Variants in KANSL1L observed in about 807,000 individuals in gnomAD.
KANSL1L encodes KAT8 regulatory NSL complex subunit 1-like protein.
In KANSL1L, 25 loss-of-function variants were observed where a neutral mutation model predicts 108.6. The observed-to-expected ratio is 0.23, with a 90% CI of 0.17 to 0.32. The LOEUF is 0.32. Ranked by LOEUF, KANSL1L falls within the 10% of genes least tolerant of loss-of-function variation. The pLI is 1.00. For synonymous variants in KANSL1L, 405 were observed against 395.1 expected, an observed-to-expected ratio of 1.03 and a Z score of -0.30; for missense variants, 1,137 against 1,125.7, an observed-to-expected ratio of 1.01 and a Z score of -0.14.
intron 2 of KANSL1L, among the ~76,000 whole-genome samples, chr2:210,143,428 T>C (rs559255181): frequency 6.6e-6 from 1 of 152,288 alleles, no homozygotes; most frequent in African/African-American, 2.4e-5. Context: ...AATTGGATAA[T>C]TTAATCCATT....
At chr2:210,161,284 G>A (rs1385870780) in intron 1 of KANSL1L, among the ~76,000 whole-genome samples, 2 of 152,036 alleles carry the variant, frequency 1.3e-5, no homozygotes, top group Non-Finnish European at 2.9e-5. Flanking sequence ...CACTGCGCCT[G>A]GCCTGATTAT....
intron 13 of KANSL1L, 101 bp from the exon 14 acceptor site, chr2:210,024,302 C>T (rs10197463): frequency 2.3e-6 from 2 of 863,052 alleles, no homozygotes; most frequent in Non-Finnish European, 3.4e-6. Flanking sequence ...AACTTGGTAA[C>T]TTTAAACAGT....
intron 3 of KANSL1L, among the ~76,000 whole-genome samples, chr2:210,125,396 G>C (rs1011005805): frequency 2.6e-5 from 4 of 152,132 alleles, no homozygotes; most frequent in Admixed American, 1.3e-4. Context: ...TTTTAAAGAA[G>C]ACCAAATAGC....
intron 2 of KANSL1L, among the ~76,000 whole-genome samples, chr2:210,150,785 AAAAAAAAAAAAAG>A (rs1384417285): frequency 6.6e-6 from 1 of 150,864 alleles, no homozygotes; most frequent in Non-Finnish European, 1.5e-5. Context: ...TCCATCTTAA[AAAAAAAAAAAAAG>A]AAAAAAGAAA....
rs752941513 is a variant in KANSL1L at position 210,154,312 on chromosome 2, T to C, written c.271A>G (p.Lys91Glu). Residue 91 changes from lysine (K) to glutamate (E), a missense_variant, in exon 2 of 15, where the codon AAA becomes GAA. This residue lies in a region of KANSL1L where 556 missense variants were observed against 537.7 expected (regional missense o/e 1.03). Coordinates refer to ENST00000281772, the MANE Select transcript of KANSL1L (RefSeq NM_152519.4). ...TTTTGTTTATAATTCTCATTGTGTTTATTTAATGTAGAATTAGATCTCATT... is the reference window on the plus strand; with the variant it reads ...TTTTGTTTATAATTCTCATTGTGTTCATTTAATGTAGAATTAGATCTCATT... The part of the protein sequence containing the change: ...FLMRSNSTLN[K>E]HNENYKQKKL... The C allele has an allele frequency of 1.2e-6, 2 of 1,612,694 alleles. No homozygotes were observed. The highest frequency in any genetic ancestry group is 1.7e-6 in the Non-Finnish European group (2 of 1,179,148).
intron 8 of KANSL1L, among the ~76,000 whole-genome samples, chr2:210,036,155 A>G (rs1355459042): frequency 2.0e-5 from 3 of 151,984 alleles, no homozygotes; most frequent in African/African-American, 4.8e-5. Flanking sequence ...CCTTCTAAGT[A>G]GTTACATACT....
At chr2:210,064,783 T>A (rs1291400359) in intron 6 of KANSL1L, among the ~76,000 whole-genome samples, 2 of 126,026 alleles carry the variant, frequency 1.6e-5, no homozygotes, top group African/African-American at 3.2e-5. Flanking sequence ...CACTCCAGGC[T>A]GGGTGACACA....
chr2:210,092,880 T>C (rs569826641), intron 5 of KANSL1L, among the ~76,000 whole-genome samples: 17 of 152,230 alleles, frequency 1.1e-4, no homozygotes, highest in East Asian at 9.7e-4. Flanking sequence ...TGAAAATCCA[T>C]GTAAAAAGTC....
chr2:210,080,157 A>G (rs953648697), intron 5 of KANSL1L: 2 of 151,684 alleles, frequency 1.3e-5, no homozygotes, highest in Non-Finnish European at 2.9e-5. Context: ...ACACACACAC[A>G]CACACACACA....
chr2:210,023,175 A>G lies in KANSL1L; in HGVS notation c.2738T>C (p.Leu913Ser), dbSNP rs751084735. Residue 913 changes from leucine to serine, a missense_variant, in exon 15 of 15, where the codon TTG becomes TCG. This residue lies in a region of KANSL1L where 575 missense variants were observed against 567.1 expected (regional missense o/e 1.01). Transcript: ENST00000281772. ...SLNQSQETKS[L>S]WWERRAFPLK... is the part of the protein sequence containing the mutation. ...TGGAAAAGCCCGTCGTTCCCACCACAAAGACTGAAAGGGGAAAAATTTTCA... is the reference window on the plus strand; with the variant it reads ...TGGAAAAGCCCGTCGTTCCCACCACGAAGACTGAAAGGGGAAAAATTTTCA... 3.7e-6 allele frequency: 6 copies of G among 1,613,114 alleles called. No individual in the cohort carries two copies. The highest frequency in any genetic ancestry group is 4.5e-5 in the East Asian group (2 of 44,876).
chr2:210,079,674 GTA>G (rs1208859670), intron 5 of KANSL1L: 536 of 15,806 alleles, frequency 0.034, 46 homozygotes, highest in African/African-American at 0.11. Flanking sequence ...ATGTATGTGT[GTA>G]TATATATATA....
At chr2:210,086,388 A>G (rs2125367229) in intron 5 of KANSL1L, among the ~76,000 whole-genome samples, 1 of 152,052 alleles carries the variant, frequency 6.6e-6, no homozygotes, top group East Asian at 1.9e-4. Flanking sequence ...AACTATCCCT[A>G]TGATAATAAA....
intron 6 of KANSL1L, among the ~76,000 whole-genome samples, chr2:210,046,083 TGGAA>T (rs1196038877): frequency 6.6e-6 from 1 of 152,188 alleles, no homozygotes; most frequent in Non-Finnish European, 1.5e-5. Flanking sequence ...CCTCAAATGA[TGGAA>T]GGAAGAGCTT....
At position 210,023,297 on chromosome 2, in the gene KANSL1L, T is replaced by A. The variant is rs551276868; in HGVS notation, c.2734-118A>T. On this transcript the variant is annotated intron_variant, in intron 14 of 14. Coordinates refer to ENST00000281772, the MANE Select transcript of KANSL1L (RefSeq NM_152519.4). ...ATTGTTCTGTTCTTTAGCACATAAA[T>A]GTACAATTTTTCATTTCAACTTAAA... 11 of 703,314 alleles carry A rather than the reference T, an allele frequency of 1.6e-5. No homozygotes were observed. In the African/African-American group the frequency reaches 1.8e-4, roughly 11 times the overall value. The allele number at this position is 703,314 out of a possible 1,614,324, so 43.6% of individuals were successfully genotyped here. A position where few individuals can be genotyped will look rare whatever the true frequency, so the allele number is the denominator to read the frequency against.
chr2:210,088,197 T>A (rs1017344546), intron 5 of KANSL1L: 9 of 152,136 alleles, frequency 5.9e-5, no homozygotes, highest in African/African-American at 2.2e-4. Context: ...ATCAAAAAAA[T>A]TAAGTTCAGC....
At chr2:210,055,746 AGAAAGAT>A (rs1322616819) in intron 6 of KANSL1L, among the ~76,000 whole-genome samples, 4 of 152,228 alleles carry the variant, frequency 2.6e-5, no homozygotes, top group African/African-American at 9.7e-5. Context: ...TTTGAACTTG[AGAAAGAT>A]GATCTAGAGT....
intron 5 of KANSL1L, among the ~76,000 whole-genome samples, chr2:210,096,109 T>G (rs2094733492): frequency 6.6e-6 from 1 of 152,182 alleles, no homozygotes; most frequent in Non-Finnish European, 1.5e-5. Flanking sequence ...AACAACTAAT[T>G]GACATGAGGA....
intron 8 of KANSL1L, among the ~76,000 whole-genome samples, chr2:210,034,075 T>C (rs950285484): frequency 2.0e-5 from 3 of 152,310 alleles, no homozygotes; most frequent in African/African-American, 7.2e-5. Flanking sequence ...ATTTCTCATA[T>C]ATCCTGTCTT....
chr2:210,132,897 G>T (rs1048688949), intron 2 of KANSL1L, among the ~76,000 whole-genome samples: 1 of 152,106 alleles, frequency 6.6e-6, no homozygotes, highest in Non-Finnish European at 1.5e-5. Context: ...TATTCCTTGA[G>T]TTTCAATGAA....
Sources: allele counts gnomAD v4.1 joint callset (sites outside exome capture counted in the v4.1 genomes callset), GRCh38; gene constraint gnomAD v4.1.1; regional missense constraint gnomAD v4.1.1; transcripts MANE v1.5; gene names NCBI Gene and HGNC (gene_info 2026-07-23, HGNC 2026-07-21).